Variants in NPIPB2 observed in about 807,000 individuals in gnomAD.
NPIPB2 encodes nuclear pore complex-interacting protein family member B2.
NPIPB2 carries 27 observed loss-of-function variants against 30.8 expected under a neutral mutation model. The observed-to-expected ratio is 0.88, with a 90% CI of 0.65 to 1.21. The LOEUF (loss-of-function observed/expected upper bound fraction) is 1.21. Ranked by LOEUF, NPIPB2 falls within the 50% of genes most tolerant of loss-of-function variation. The pLI, the probability that NPIPB2 is intolerant of heterozygous loss-of-function variation, is 0.00. For missense variants in NPIPB2, 440 were observed against 446.2 expected, an observed-to-expected ratio of 0.99 and a Z score of 0.13; for synonymous variants, 147 against 162.0, an observed-to-expected ratio of 0.91 and a Z score of 0.70.
chr16:11,975,977 C>T (rs890063921), intron 1 of NPIPB2, among the ~76,000 whole-genome samples: 3 of 151,812 alleles, frequency 2.0e-5, no homozygotes, highest in Non-Finnish European at 4.4e-5. Flanking sequence ...AACGGCGTCT[C>T]GCTACGTTGC....
intron 1 of NPIPB2, among the ~76,000 whole-genome samples, chr16:11,971,014 C>T (rs1234076686): frequency 2.0e-5 from 3 of 152,016 alleles, no homozygotes; most frequent in Non-Finnish European, 2.9e-5. Flanking sequence ...CCACCATTCT[C>T]GGCTAATTTT....
Position 11,966,246 on chromosome 16 carries a change from G to T in NPIPB2, c.-584+10322C>A. On this transcript the variant is annotated intron_variant, in intron 1 of 5. Coordinates refer to the NPIPB2 transcript ENST00000538896. ...AATGCGATTCTCTGGACCTGTTTGG[G>T]ACTGAGCTTAATAATTTCTTTGGCA... The T allele has an allele frequency of 6.2e-7, 1 of 1,614,008 alleles. No individual in the cohort carries two copies. Among genetic ancestry groups the T allele is most frequent in the Admixed American group, 1.7e-5 (1 of 60,000 alleles).
chr16:11,934,189 C>T (rs1310299101), intron 2 of NPIPB2, among the ~76,000 whole-genome samples: 3 of 150,114 alleles, frequency 2.0e-5, no homozygotes, highest in Non-Finnish European at 4.4e-5. Flanking sequence ...GAGATCACAC[C>T]ACTGCACTCC....
chr16:11,974,626 T>G (rs1158371885), intron 1 of NPIPB2, among the ~76,000 whole-genome samples: 1 of 152,234 alleles, frequency 6.6e-6, no homozygotes, highest in Non-Finnish European at 1.5e-5. Flanking sequence ...ACCTACAGAA[T>G]TGTTTTTTAA....
intron 1 of NPIPB2, among the ~76,000 whole-genome samples, chr16:11,940,831 T>C (rs1416908457): frequency 1.3e-5 from 2 of 149,456 alleles, no homozygotes; most frequent in Non-Finnish European, 3.0e-5. Flanking sequence ...CACTTTGTTT[T>C]GGTCCATTTT....
intron 1 of NPIPB2, among the ~76,000 whole-genome samples, chr16:11,969,471 G>C (rs2055221569): frequency 6.6e-6 from 1 of 152,180 alleles, no homozygotes; most frequent in Middle Eastern, 3.4e-3. Context: ...TCGCCAGACT[G>C]GTCTTGAACT....
chr16:11,975,786 T>G (rs1411546058), intron 1 of NPIPB2, among the ~76,000 whole-genome samples: 2 of 152,144 alleles, frequency 1.3e-5, no homozygotes, highest in Non-Finnish European at 2.9e-5. Flanking sequence ...AGATGGGGTT[T>G]CACTATGTTG....
chr16:11,962,218 A>G (rs1419115293), intron 1 of NPIPB2, among the ~76,000 whole-genome samples: 1 of 140,896 alleles, frequency 7.1e-6, no homozygotes, highest in Non-Finnish European at 1.5e-5. Flanking sequence ...AAAAAAAAAA[A>G]GGCTGGGTGC....
At chr16:11,965,724 T>A (rs1567478977) in intron 1 of NPIPB2, among the ~76,000 whole-genome samples, 1 of 152,220 alleles carries the variant, frequency 6.6e-6, no homozygotes, top group Admixed American at 6.6e-5. Context: ...AAGTCAATGT[T>A]CATTAATTAA....
At chr16:11,966,972 GTATGCATT>G (rs1359340991) in intron 1 of NPIPB2, 2 of 160,248 alleles carry the variant, frequency 1.2e-5, no homozygotes, top group Non-Finnish European at 2.5e-5. Flanking sequence ...CCCTATTTCT[GTATGCATT>G]TATTTATTTA....
At chr16:11,950,956 T>C (rs980254256) in intron 1 of NPIPB2, among the ~76,000 whole-genome samples, 14 of 151,606 alleles carry the variant, frequency 9.2e-5, no homozygotes, top group African/African-American at 3.4e-4. Flanking sequence ...CCTATGCATA[T>C]ACTAACATAT....
chr16:11,954,372 G>A (rs935903518), intron 1 of NPIPB2, among the ~76,000 whole-genome samples: 2 of 151,860 alleles, frequency 1.3e-5, no homozygotes, highest in African/African-American at 4.8e-5. Context: ...CAGCTACTGG[G>A]GAGGCTGAGG....
chr16:11,966,195 G>C, intron 1 of NPIPB2: 2 of 1,611,692 alleles, frequency 1.2e-6, no homozygotes, highest in Non-Finnish European at 8.5e-7. Flanking sequence ...TTTCATAAAG[G>C]TGTGACCAAT....
At chr16:11,972,516 A>G (rs541270394) in intron 1 of NPIPB2, among the ~76,000 whole-genome samples, 28 of 152,262 alleles carry the variant, frequency 1.8e-4, no homozygotes, top group Non-Finnish European at 3.5e-4. Context: ...CGGAGGTTGC[A>G]GTGAGCTGAG....
chr16:11,947,767 C>A (rs2055025977), intron 1 of NPIPB2, among the ~76,000 whole-genome samples: 1 of 151,428 alleles, frequency 6.6e-6, no homozygotes, highest in East Asian at 1.9e-4. Context: ...CAAATTACCC[C>A]TTGTGATTTA....
intron 1 of NPIPB2, among the ~76,000 whole-genome samples, chr16:11,958,009 G>A (rs1358594212): frequency 6.6e-6 from 1 of 152,096 alleles, no homozygotes; most frequent in African/African-American, 2.4e-5. Context: ...CAGCTAAGCC[G>A]TGTTTTTGCA....
intron 1 of NPIPB2, among the ~76,000 whole-genome samples, chr16:11,957,652 T>G (rs528018880): frequency 6.6e-6 from 1 of 152,218 alleles, no homozygotes; most frequent in African/African-American, 2.4e-5. Context: ...GTGGGCTTCA[T>G]CCAATCAGTT....
At chr16:11,974,194 A>G (rs2055253243) in intron 1 of NPIPB2, among the ~76,000 whole-genome samples, 1 of 152,120 alleles carries the variant, frequency 6.6e-6, no homozygotes, top group Admixed American at 6.6e-5. Context: ...ACTGGTTTCT[A>G]AGCCCCAACG....
intron 1 of NPIPB2, chr16:11,968,130 A>T: frequency 1.4e-5 from 4 of 278,244 alleles, no homozygotes; most frequent in Non-Finnish European, 1.4e-5. Flanking sequence ...GTGGGGGGTG[A>T]GGGTGGGAGA....
Sources: gnomAD v4.1 joint callset for allele counts (sites outside exome capture counted in the v4.1 genomes callset) on GRCh38, gnomAD v4.1.1 for gene constraint, MANE v1.5 for transcripts, NCBI Gene and HGNC (gene_info 2026-07-23, HGNC 2026-07-21) for gene names.